PCP4: variants seen among roughly 807,000 people sequenced by gnomAD.
PCP4 encodes the protein Purkinje cell protein 4.
PCP4 carries 8 observed loss-of-function variants against 10.0 expected under a neutral mutation model. That is an observed-to-expected ratio of 0.80 (90% CI 0.47 to 1.45). The LOEUF (loss-of-function observed/expected upper bound fraction) is 1.45, where lower values mean the gene tolerates loss of function less well. Ranked by LOEUF, PCP4 falls within the 40% of genes most tolerant of loss-of-function variation. The probability of loss-of-function intolerance (pLI) is 0.00; values close to 1 mark genes in which losing one functional copy is unlikely to be tolerated. For synonymous variants in PCP4, 21 were observed against 23.0 expected, an observed-to-expected ratio of 0.91 and a Z score of 0.24; for missense variants, 54 against 74.4, an observed-to-expected ratio of 0.73 and a Z score of 1.01.
At chr21:39,873,030 G>T (rs1005610621) in intron 1 of PCP4, among the ~76,000 whole-genome samples, 1 of 152,186 alleles carries the variant, frequency 6.6e-6, no homozygotes, top group African/African-American at 2.4e-5. Flanking sequence ...GAAAATATGG[G>T]AACGGAGCAA....
At chr21:39,926,034 T>C (rs1225934530) in intron 2 of PCP4, 2 of 456,104 alleles carry the variant, frequency 4.4e-6, no homozygotes, top group Non-Finnish European at 8.8e-6. Flanking sequence ...TGGTTGTCCC[T>C]TCTCCACTGC....
chr21:39,920,409 AGTGT>A (rs2146349557), intron 2 of PCP4, among the ~76,000 whole-genome samples: 1 of 134,764 alleles, frequency 7.4e-6, no homozygotes, highest in Admixed American at 7.3e-5. Flanking sequence ...TGTTTGTGTG[AGTGT>A]GTGTGGTGTG....
intron 2 of PCP4, 65 bp from the exon 3 acceptor site, chr21:39,928,918 TG>T: frequency 6.5e-7 from 1 of 1,544,548 alleles, no homozygotes; most frequent in Non-Finnish European, 8.9e-7. Context: ...ACTTATCTAG[TG>T]GGGCTGTCTG....
chr21:39,898,994 C>T (rs1006610756), intron 2 of PCP4, among the ~76,000 whole-genome samples: 2 of 152,212 alleles, frequency 1.3e-5, no homozygotes, highest in African/African-American at 4.8e-5. Flanking sequence ...AATGTCACTG[C>T]AGCGATTCAC....
At chr21:39,881,371 C>G (rs908102601) in intron 1 of PCP4, among the ~76,000 whole-genome samples, 1 of 152,194 alleles carries the variant, frequency 6.6e-6, no homozygotes, top group Non-Finnish European at 1.5e-5. Context: ...TTCATTACAA[C>G]AGGTCATTGC....
rs1165998756 is a variant in PCP4, at chr21:39,906,579, C to A, written c.61+8052C>A. Among the ~76,000 whole-genome samples, 1 of 151,976 alleles carries A rather than the reference C, an allele frequency of 6.6e-6. No homozygotes were observed. The highest frequency in any genetic ancestry group is 2.4e-5 in the African/African-American group (1 of 41,376). On this transcript the variant is annotated intron_variant, in intron 2 of 2. Transcript: ENST00000328619. The surrounding 1 kb of genome is among the most constrained non-coding windows in gnomAD (Gnocchi z 6.3). ...CTCCTCCTTCTTCCCCTTCCTTCCC[C>A]CTTTCCTTCCCTTCCTTCCCTCCCT...
intron 1 of PCP4, among the ~76,000 whole-genome samples, chr21:39,887,605 A>G (rs937737183): frequency 6.6e-6 from 1 of 152,176 alleles, no homozygotes; most frequent in African/African-American, 2.4e-5. Flanking sequence ...TAGGTCTTCA[A>G]TGTTCCTGAG....
chr21:39,876,675 A>G (rs1201449745), intron 1 of PCP4, among the ~76,000 whole-genome samples: 1 of 152,250 alleles, frequency 6.6e-6, no homozygotes, highest in Admixed American at 6.5e-5. Context: ...GATATTAGCT[A>G]TGAATGAAAC....
intron 2 of PCP4, among the ~76,000 whole-genome samples, chr21:39,917,163 A>G (rs1185579968): frequency 1.3e-5 from 2 of 152,212 alleles, no homozygotes; most frequent in Non-Finnish European, 2.9e-5. Context: ...GAAACAATTC[A>G]TATGGAAGAT....
At chr21:39,926,140 C>T in intron 2 of PCP4, 2 of 451,426 alleles carry the variant, frequency 4.4e-6, no homozygotes, top group Non-Finnish European at 8.9e-6. Context: ...TTCCCCGCCG[C>T]CCCGGGAACT....
intron 1 of PCP4, among the ~76,000 whole-genome samples, chr21:39,890,777 A>G (rs1218531390): frequency 6.6e-6 from 1 of 152,136 alleles, no homozygotes; most frequent in Non-Finnish European, 1.5e-5. Context: ...GAGCCCTCTT[A>G]AATTTTGTGC....
At chr21:39,896,030 C>T (rs2087455392) in intron 1 of PCP4, among the ~76,000 whole-genome samples, 2 of 152,166 alleles carry the variant, frequency 1.3e-5, no homozygotes, top group African/African-American at 4.8e-5. Context: ...TTCATTGTGT[C>T]TCCGTTAAAT....
chr21:39,891,896 C>A (rs1422961148), intron 1 of PCP4, among the ~76,000 whole-genome samples: 1 of 152,222 alleles, frequency 6.6e-6, no homozygotes, highest in East Asian at 1.9e-4. Flanking sequence ...AAAGAGGAAC[C>A]AGGAGTACGG....
chr21:39,867,823 A>C (rs990553992), intron 1 of PCP4, among the ~76,000 whole-genome samples: 1 of 152,194 alleles, frequency 6.6e-6, no homozygotes, highest in African/African-American at 2.4e-5. Flanking sequence ...TCTTACGAAG[A>C]TGCGTGTCTT....
intron 2 of PCP4, among the ~76,000 whole-genome samples, chr21:39,927,279 G>GATCTATCTATCTATCT (rs10526940): frequency 1.9e-4 from 26 of 139,346 alleles, no homozygotes; most frequent in African/African-American, 5.8e-4. Context: ...CTGTCTCTCT[G>GATCTATCTATCTATCT]ATCTATCTAT....
At chr21:39,894,710 G>T (rs1467615414) in intron 1 of PCP4, among the ~76,000 whole-genome samples, 1 of 152,108 alleles carries the variant, frequency 6.6e-6, no homozygotes. Context: ...TTGAATATTT[G>T]ATTTCATTTA....
At chr21:39,904,961 CTT>C (rs942672768) in intron 2 of PCP4, among the ~76,000 whole-genome samples, 20 of 152,190 alleles carry the variant, frequency 1.3e-4, no homozygotes, top group African/African-American at 4.6e-4. Context: ...AAGGTTATAA[CTT>C]TCACAGACAG....
intron 1 of PCP4, among the ~76,000 whole-genome samples, chr21:39,885,709 C>T (rs1023248083): frequency 1.3e-5 from 2 of 152,220 alleles, no homozygotes; most frequent in Non-Finnish European, 1.5e-5. Context: ...CCCTCTCCCT[C>T]CCCTGGGACA....
intron 2 of PCP4, among the ~76,000 whole-genome samples, chr21:39,918,163 T>C (rs889189908): frequency 2.0e-5 from 3 of 152,240 alleles, no homozygotes; most frequent in Non-Finnish European, 4.4e-5. Context: ...GGAATGAATT[T>C]TGCCTTTTCA....
Sources: allele counts gnomAD v4.1 joint callset (sites outside exome capture counted in the v4.1 genomes callset), GRCh38; gene constraint gnomAD v4.1.1; non-coding constraint Gnocchi (gnomAD v3.1); transcripts MANE v1.5; gene names NCBI Gene and HGNC (gene_info 2026-07-23, HGNC 2026-07-21).